CCDC63: variants seen among roughly 807,000 people sequenced by gnomAD.
CCDC63 encodes coiled-coil domain-containing protein 63.
In CCDC63, 54 loss-of-function variants were observed where a neutral mutation model predicts 63.6. The observed-to-expected ratio is 0.85, with a 90% CI of 0.68 to 1.07. The LOEUF (loss-of-function observed/expected upper bound fraction) is 1.07. Ranked by LOEUF, CCDC63 falls within the 50% of genes least tolerant of loss-of-function variation. The probability of loss-of-function intolerance (pLI) is 0.00; values close to 1 mark genes in which losing one functional copy is unlikely to be tolerated. For synonymous variants in CCDC63, 253 were observed against 266.1 expected, an observed-to-expected ratio of 0.95 and a Z score of 0.48; for missense variants, 637 against 689.6, an observed-to-expected ratio of 0.92 and a Z score of 0.86.
Position 110,873,884 on chromosome 12 carries a change from T to G in CCDC63, c.412T>G (p.Phe138Val). Residue 138 changes from phenylalanine (F) to valine (V), a missense_variant, in exon 5 of 12, where the codon TTC becomes GTC. By Grantham distance (50) the Phe-to-Val change is conservative. Transcript: ENST00000308208. ...AAAAATCGCAAACCAAAAACAGATT[T>G]TCGCAAAAATGCAGGAGGCCAATAA... ...EKKIANQKQI[F>V]AKMQEANNPR... 6.2e-7 allele frequency: 1 copy of G among 1,612,734 alleles called. No homozygotes were observed. The highest frequency in any genetic ancestry group is 8.5e-7 in the Non-Finnish European group (1 of 1,179,690).
intron 4 of CCDC63, among the ~76,000 whole-genome samples, chr12:110,864,438 A>AAAG (rs1555252852): frequency 2.9e-4 from 44 of 149,724 alleles, no homozygotes; most frequent in Non-Finnish European, 3.7e-4. Context: ...AAAAAAAAAA[A>AAAG]AGAGACTGGG....
intron 4 of CCDC63, among the ~76,000 whole-genome samples, chr12:110,865,464 C>CAAAAAAAAAAAAAAAAAAAAAAAAAAAAA (rs10585238): frequency 2.9e-5 from 3 of 102,370 alleles, no homozygotes; most frequent in Non-Finnish European, 5.9e-5. Context: ...CAGCATATAC[C>CAAAAAAAAAAAAAAAAAAAAAAAAAAAAA]AAAAAAAAAA....
chr12:110,886,651 C>A (rs2071283951), intron 8 of CCDC63, among the ~76,000 whole-genome samples: 1 of 152,122 alleles, frequency 6.6e-6, no homozygotes, highest in African/African-American at 2.4e-5. Flanking sequence ...TCCCTCTCCT[C>A]CCACCCTTTA....
intron 10 of CCDC63, among the ~76,000 whole-genome samples, chr12:110,900,676 T>C (rs1351806197): frequency 6.6e-6 from 1 of 151,482 alleles, no homozygotes; most frequent in Non-Finnish European, 1.5e-5. Context: ...CTCAGCTCCC[T>C]GCAACCTCTG....
In CCDC63 at chr12:110,858,165, AAAAT is replaced by A. The variant is rs1346389745; in HGVS notation, c.180-413_180-410del. ...AATAAAATAAAATAAAATAAAAAAT[AAAAT>A]AAATAAAATAAAATCCTGCCTGATG... On this transcript the variant is annotated intron_variant, in intron 3 of 11. Transcript: ENST00000308208. Among the ~76,000 whole-genome samples the A allele has an allele frequency of 8.6e-5, 13 of 151,210 alleles. No individual in the cohort carries two copies. In the South Asian group the frequency reaches 1.7e-3, roughly 20 times the overall value.
In CCDC63 at chr12:110,898,945, A is replaced by G; in HGVS notation, c.1162A>G (p.Lys388Glu). The G allele has an allele frequency of 1.2e-6, 2 of 1,604,108 alleles. No individual in the cohort carries two copies. Among genetic ancestry groups the G allele is most frequent in the Non-Finnish European group, 1.7e-6 (2 of 1,174,378 alleles). ...VLRQLEDKLR[K>E]TTEEADMYES... ...GGTCTGCCACCAGGATAAACTGAGGAAGACCACGGAGGAGGCAGATATGTA... is the reference window on the plus strand; with the variant it reads ...GGTCTGCCACCAGGATAAACTGAGGGAGACCACGGAGGAGGCAGATATGTA... The change falls in exon 10 of 12, where the codon AAG (lysine) becomes GAG (glutamate). Residue 388 changes from lysine to glutamate, a missense_variant. Lys to Glu is a moderately conservative substitution (Grantham distance 56). Transcript: ENST00000308208.
rs1014751698 is a variant in CCDC63 at position 110,868,586 on chromosome 12, C to T, written c.370-5256C>T. Among the ~76,000 whole-genome samples, 14 of 151,738 alleles carry T rather than the reference C, an allele frequency of 9.2e-5. 1 individual carries two copies. Among genetic ancestry groups the T allele is most frequent in the Middle Eastern group, 3.4e-3 (1 of 294 alleles). ...CTCCACCAAAACCAGTCAGGTGTGG[C>T]GGCGCGTGCCTGCAATCGCAGGCAT... On this transcript the variant is annotated intron_variant, in intron 4 of 11. Transcript: ENST00000308208.
rs530171447 is a variant in CCDC63 at position 110,890,718 on chromosome 12, T to TCCCAACAA, written c.1075-2356_1075-2349dup. 3.0e-3 allele frequency among the ~76,000 whole-genome samples: 448 copies of TCCCAACAA among 151,748 alleles called. 1 individual carries two copies. Among genetic ancestry groups the TCCCAACAA allele is most frequent in the South Asian group, 0.013 (62 of 4,798 alleles). On this transcript the variant is annotated intron_variant, in intron 8 of 11. Coordinates refer to ENST00000308208, the MANE Select transcript of CCDC63 (RefSeq NM_152591.3). ...CATGCTATTCTGTAAACGTTTTGTTTCCCAACAACTTACCATAGATACCTC... is the reference window on the plus strand; with the variant it reads ...CATGCTATTCTGTAAACGTTTTGTTTCCCAACAACCCAACAACTTACCATAGATACCTC...
At chr12:110,890,779 T>C (rs551593871) in intron 8 of CCDC63, among the ~76,000 whole-genome samples, 100 of 145,108 alleles carry the variant, frequency 6.9e-4, no homozygotes, top group African/African-American at 1.8e-3. Context: ...TTTTCTTTTT[T>C]TTTTTTTTTT....
chr12:110,896,647 C>T (rs1418013111), intron 9 of CCDC63, among the ~76,000 whole-genome samples: 1 of 152,180 alleles, frequency 6.6e-6, no homozygotes, highest in Non-Finnish European at 1.5e-5. Flanking sequence ...TACCCTAGAA[C>T]AGTGATCCTC....
At chr12:110,896,851 T>TA (rs2071421078) in intron 9 of CCDC63, among the ~76,000 whole-genome samples, 1 of 152,210 alleles carries the variant, frequency 6.6e-6, no homozygotes, top group African/African-American at 2.4e-5. Context: ...TCTCAGACTT[T>TA]ACTGTGCACC....
chr12:110,850,136 ACTT>A (rs1245910605), intron 1 of CCDC63, among the ~76,000 whole-genome samples: 8 of 152,194 alleles, frequency 5.3e-5, no homozygotes, highest in Admixed American at 4.6e-4. Context: ...TTGGCAGATG[ACTT>A]CTTCTACAAG....
intron 4 of CCDC63, among the ~76,000 whole-genome samples, 172 bp from the exon 5 acceptor site, chr12:110,873,670 A>C (rs2071093704): frequency 6.6e-6 from 1 of 152,222 alleles, no homozygotes; most frequent in African/African-American, 2.4e-5. Context: ...AATTCCATTT[A>C]TAGGAAAAGA....
At chr12:110,884,781 G>A (rs1461608174) in intron 8 of CCDC63, among the ~76,000 whole-genome samples, 1 of 151,676 alleles carries the variant, frequency 6.6e-6, no homozygotes, top group Non-Finnish European at 1.5e-5. Context: ...CCACCTCCCC[G>A]GTTCAAGAGA....
chr12:110,847,536 C>G (rs1030045425), intron 1 of CCDC63, among the ~76,000 whole-genome samples: 3 of 145,872 alleles, frequency 2.1e-5, no homozygotes, highest in Non-Finnish European at 4.5e-5. Context: ...GCCTGGGTGA[C>G]AGAGAGAGAG....
At chr12:110,894,109 T>C (rs1243358888) in intron 9 of CCDC63, among the ~76,000 whole-genome samples, 1 of 151,894 alleles carries the variant, frequency 6.6e-6, no homozygotes, top group African/African-American at 2.4e-5. Context: ...CCTTAGTGGG[T>C]GACTTATATT....
chr12:110,849,160 A>T (rs1448334840), intron 1 of CCDC63, among the ~76,000 whole-genome samples: 1 of 152,202 alleles, frequency 6.6e-6, no homozygotes, highest in African/African-American at 2.4e-5. Flanking sequence ...CCTATCACCC[A>T]TTAACCTGAG....
intron 3 of CCDC63, among the ~76,000 whole-genome samples, chr12:110,857,282 C>A (rs747822605): frequency 2.3e-4 from 35 of 151,956 alleles, no homozygotes; most frequent in Admixed American, 2.0e-3. Context: ...CCCACCACCC[C>A]CCCCGGCTAA....
At chr12:110,897,802 G>A (rs920509046) in intron 9 of CCDC63, among the ~76,000 whole-genome samples, 3 of 146,448 alleles carry the variant, frequency 2.0e-5, no homozygotes, top group African/African-American at 7.7e-5. Context: ...GCATGATCTC[G>A]GGCTCACTGC....
Sources: gnomAD v4.1 joint callset for allele counts (sites outside exome capture counted in the v4.1 genomes callset) on GRCh38, gnomAD v4.1.1 for gene constraint, MANE v1.5 for transcripts, NCBI Gene and HGNC (gene_info 2026-07-23, HGNC 2026-07-21) for gene names.